Variants in MYH8 observed in about 807,000 individuals in gnomAD.
MYH8 encodes the protein myosin heavy chain 8.
MYH8 carries 168 observed loss-of-function variants against 233.2 expected under a neutral mutation model. The observed-to-expected ratio is 0.72, with a 90% confidence interval of 0.64 to 0.82. MYH8 has a LOEUF of 0.82. Ranked by LOEUF, MYH8 falls within the 40% of genes least tolerant of loss-of-function variation. MYH8 has a pLI of 0.00. For synonymous variants in MYH8, 785 were observed against 850.6 expected, an observed-to-expected ratio of 0.92 and a Z score of 1.34; for missense variants, 1,995 against 2,327.8, an observed-to-expected ratio of 0.86 and a Z score of 2.94.
Position 10,414,026 on chromosome 17 carries a change from G to T in MYH8, c.1023C>A (p.Ile341=), listed in dbSNP as rs1223572561. ...ELMATDSAID[I]LGFTPEEKVS... ...CTTTCTCTTCAGGAGTGAAGCCCAG[G>T]ATGTCAATGGCACTCTACCAGGAAA... Residue 341 remains isoleucine, a synonymous_variant, in exon 12 of 40, where the codon ATC becomes ATA. Coordinates refer to ENST00000403437, the MANE Select transcript of MYH8 (RefSeq NM_002472.3). 6 of 1,614,096 alleles carry T rather than the reference G, an allele frequency of 3.7e-6. No individual in the cohort carries two copies. Among genetic ancestry groups the T allele is most frequent in the Non-Finnish European group, 5.1e-6 (6 of 1,180,008 alleles).
At chr17:10,407,532 T>A (rs1041915254) in intron 17 of MYH8, among the ~76,000 whole-genome samples, 7 of 152,082 alleles carry the variant, frequency 4.6e-5, no homozygotes, top group Admixed American at 2.0e-4. Context: ...TTCTTTTGAT[T>A]TTTGAAGAGT....
At position 10,392,622 on chromosome 17, in the gene MYH8, C is replaced by T; in HGVS notation, c.5488G>A (p.Glu1830Lys). Residue 1830 changes from glutamate (E) to lysine (K), a missense_variant, in exon 38 of 40, where the codon GAA (glutamate) becomes AAA (lysine). By Grantham distance (56) the Glu-to-Lys change is moderately conservative. Coordinates refer to ENST00000403437, the MANE Select transcript of MYH8 (RefSeq NM_002472.3). ...ARVRELEGEV[E>K]NEQKRNAEAV... ...TCTGCATTACGTTTCTGTTCATTTT[C>T]AACCTCTCCTTCAAGCTCACGTACC... 2 of 1,614,120 alleles carry T rather than the reference C, an allele frequency of 1.2e-6. No homozygotes were observed. Among genetic ancestry groups the T allele is most frequent in the Non-Finnish European group, 1.7e-6 (2 of 1,180,022 alleles).
At position 10,400,253 on chromosome 17, in the gene MYH8, A is replaced by T. The variant is rs2072123987; in HGVS notation, c.3735+137T>A. 3.3e-6 allele frequency: 4 copies of T among 1,217,534 alleles called. No homozygotes were observed. Among genetic ancestry groups the T allele is most frequent in the Non-Finnish European group, 4.8e-6 (4 of 838,898 alleles). 75.4% of individuals were successfully genotyped at this position (1,217,534 alleles called of 1,614,324 possible). On this transcript the variant is annotated intron_variant, in intron 27 of 39. Transcript: ENST00000403437. This position sits in a 1 kb window ranked among gnomAD's most constrained non-coding sequence, Gnocchi z 4.0. Reference sequence around the variant, plus strand: ...ATCGATCATAACCAGCATTTTAAAAAATACCATAGAATGGGATATATTTGG... The same window carrying T: ...ATCGATCATAACCAGCATTTTAAAATATACCATAGAATGGGATATATTTGG...
rs1395407619 is a variant in MYH8 at position 10,399,675 on chromosome 17, G to A, written c.3736-6C>T. On this transcript the variant is annotated splice_region_variant and splice_polypyrimidine_tract_variant and intron_variant, in intron 27 of 39. Transcript: ENST00000403437. ...CACATCTTTTCAAGGTTTCCCTACA[G>A]GATATGTAGCAATGAAAGATGAGAC... 5 of 1,613,908 alleles carry A rather than the reference G, an allele frequency of 3.1e-6. No homozygotes were observed. The South Asian group carries it at 5.5e-5, about 18-fold the overall frequency.
chr17:10,405,455 C>G (rs2072184633), intron 21 of MYH8, among the ~76,000 whole-genome samples: 1 of 152,120 alleles, frequency 6.6e-6, no homozygotes, highest in South Asian at 2.1e-4. Flanking sequence ...TGACACAAAC[C>G]ATAACGTTCA....
At position 10,398,511 on chromosome 17, in the gene MYH8, C is replaced by T. The variant is rs1344529001; in HGVS notation, c.4111G>A (p.Val1371Ile). 2 of 1,614,146 alleles carry T rather than the reference C, an allele frequency of 1.2e-6. No homozygotes were observed. Among genetic ancestry groups the T allele is most frequent in the South Asian group, 1.1e-5 (1 of 91,080 alleles). Residue 1371 changes from valine to isoleucine, a missense_variant, in exon 30 of 40, where the codon GTT (valine) becomes ATT (isoleucine). Val to Ile is a conservative substitution (Grantham distance 29). Coordinates refer to ENST00000403437, the MANE Select transcript of MYH8 (RefSeq NM_002472.3). Reference sequence around the variant, plus strand: ...TCGTATTTGGTTCTCCACTGGGCAACCTCACTGTTGGCCTTGGACAGCGCC... The same window carrying T: ...TCGTATTTGGTTCTCCACTGGGCAATCTCACTGTTGGCCTTGGACAGCGCC... ...QRALSKANSE[V>I]AQWRTKYETD...
At chr17:10,418,603 T>G in intron 5 of MYH8, 42 bp downstream of exon 5, 3 of 1,612,886 alleles carry the variant, frequency 1.9e-6, no homozygotes, top group Non-Finnish European at 2.5e-6. Flanking sequence ...CTGCAAAGAT[T>G]CTATTTACAC....
intron 12 of MYH8, 73 bp downstream of exon 12, chr17:10,413,829 A>T: frequency 6.2e-7 from 1 of 1,608,154 alleles, no homozygotes; most frequent in Non-Finnish European, 8.5e-7. Context: ...CACAAAGGAG[A>T]TGTGAGTGTA....
chr17:10,404,350 G>C lies in MYH8; in HGVS notation c.2668C>G (p.Leu890Val). The C allele has an allele frequency of 1.2e-6, 2 of 1,613,770 alleles. No homozygotes were observed. Among genetic ancestry groups the C allele is most frequent in the Middle Eastern group, 1.7e-4 (1 of 6,058 alleles). ...CTCACAGATTGAACCTGGAGTTGCA[G>C]GTCATTTTTCTCTTTTAAGAGAGTG... Reference protein sequence around the residue: ...MVTLLKEKNDLQLQVQSEADS... With the variant: ...MVTLLKEKNDVQLQVQSEADS... Residue 890 changes from leucine (L) to valine (V), a missense_variant, in exon 22 of 40, where the codon CTG becomes GTG. Leu to Val is a conservative substitution (Grantham distance 32). Coordinates refer to ENST00000403437, the MANE Select transcript of MYH8 (RefSeq NM_002472.3).
At position 10,419,723 on chromosome 17, in the gene MYH8, T is replaced by C. The variant is rs373793827; in HGVS notation, c.210+295A>G. Among the ~76,000 whole-genome samples, 11 of 152,334 alleles carry C rather than the reference T, an allele frequency of 7.2e-5. No individual in the cohort carries two copies. Among genetic ancestry groups the C allele is most frequent in the African/African-American group, 2.6e-4 (11 of 41,580 alleles). ...TTTAACTAAGTAAATATTTAACTTC[T>C]GATAGGAGGAGCTTGTTTTCATTTC... On this transcript the variant is annotated intron_variant, in intron 3 of 39. Coordinates refer to ENST00000403437, the MANE Select transcript of MYH8 (RefSeq NM_002472.3). The surrounding 1 kb of genome is among the most constrained non-coding windows in gnomAD (Gnocchi z 4.0).
At chr17:10,406,603 C>T (rs2072196086) in intron 19 of MYH8, 87 bp downstream of exon 19, 4 of 1,371,584 alleles carry the variant, frequency 2.9e-6, no homozygotes, top group African/African-American at 1.4e-5. Flanking sequence ...TATTATCCTA[C>T]CACCACAAGA....
Position 10,410,829 on chromosome 17 carries a change from G to A in MYH8, c.1535C>T (p.Thr512Met), listed in dbSNP as rs759294305. 22 of 1,613,766 alleles carry A rather than the reference G, an allele frequency of 1.4e-5. No individual in the cohort carries two copies. Among genetic ancestry groups the A allele is most frequent in the East Asian group, 4.5e-5 (2 of 44,886 alleles). Residue 512 changes from threonine to methionine, a missense_variant, in exon 15 of 40, where the codon ACG becomes ATG. Physicochemically the swap from Thr to Met is moderately conservative, Grantham distance 81. Transcript: ENST00000403437. Reference sequence around the variant, plus strand: ...CAGGTCCATCCCAAAGTCAATGAACGTCCACTCGATGCCTTCCTTCTTGTA... The same window carrying A: ...CAGGTCCATCCCAAAGTCAATGAACATCCACTCGATGCCTTCCTTCTTGTA... ...EEYKKEGIEW[T>M]FIDFGMDLAA...
rs2072295510 is a variant in MYH8, at chr17:10,417,017, A to G, written c.512-1309T>C. On this transcript the variant is annotated intron_variant, in intron 5 of 39. Transcript: ENST00000403437. This position sits in a 1 kb window ranked among gnomAD's most constrained non-coding sequence, Gnocchi z 4.1. ...TAAGTACATAGCTAGTTAAGGTCAA[A>G]TATATCCTCCTGGCCTCTTCCCAGC... Among the ~76,000 whole-genome samples the G allele has an allele frequency of 6.6e-6, 1 of 152,212 alleles. No homozygotes were observed. The highest frequency in any genetic ancestry group is 2.4e-5 in the African/African-American group (1 of 41,456).
In MYH8 at chr17:10,396,410, G is replaced by A. The variant is rs775373801; in HGVS notation, c.4573C>T (p.Gln1525Ter). 6.2e-7 allele frequency: 1 copy of A among 1,613,956 alleles called. No individual in the cohort carries two copies. The highest frequency in any genetic ancestry group is 1.1e-5 in the South Asian group (1 of 91,058). ...TTTATTTTCTCCAATTCATGAATTTGCTTTCCTCCCTCTGCAATCTGCTCA... is the reference window on the plus strand; with the variant it reads ...TTTATTTTCTCCAATTCATGAATTTACTTTCCTCCCTCTGCAATCTGCTCA... ...LTEQIAEGGKQIHELEKIKKQ... is the reference protein window; with the variant it reads ...LTEQIAEGGK The change falls in exon 33 of 40, where the codon CAA (glutamine) becomes TAA (stop). Residue 1525 changes from glutamine to a stop codon, truncating the protein, a stop_gained. Transcript: ENST00000403437. LOFTEE classifies it high-confidence loss of function. This position sits in a 1 kb window ranked among gnomAD's most constrained non-coding sequence, Gnocchi z 4.2.
chr17:10,392,716 C>T, intron 37 of MYH8, 70 bp from the exon 38 acceptor site: 2 of 1,613,304 alleles, frequency 1.2e-6, no homozygotes, highest in Non-Finnish European at 1.7e-6. Context: ...CTACTGAAGG[C>T]ATGGGGTGGG....
rs1214736532 is a variant in MYH8, at chr17:10,406,085, C to G, written c.2388G>C (p.Arg796Ser). 2.5e-6 allele frequency: 4 copies of G among 1,613,908 alleles called. No individual in the cohort carries two copies. In the East Asian group the frequency reaches 6.7e-5, roughly 27 times the overall value. The change falls in exon 21 of 40, where the codon AGG becomes AGC. Residue 796 changes from arginine to serine, a missense_variant. Arg to Ser is a moderately radical substitution (Grantham distance 110). This residue lies in a region of MYH8 where 1,498 missense variants were observed against 1,680.9 expected (regional missense o/e 0.89). Coordinates refer to ENST00000403437, the MANE Select transcript of MYH8 (RefSeq NM_002472.3). The part of the protein sequence containing the change: ...QIITRTQAVC[R>S]GFLMRVEYQK... Reference sequence around the variant, plus strand: ...GATATTCTACCCTCATTAGGAATCCCCTACAGACAGCTTGTGTTCTTGTTA... The same window carrying G: ...GATATTCTACCCTCATTAGGAATCCGCTACAGACAGCTTGTGTTCTTGTTA...
At position 10,406,986 on chromosome 17, in the gene MYH8, A is replaced by C. The variant is rs747876364; in HGVS notation, c.1966-7T>G. 6.2e-7 allele frequency: 1 copy of C among 1,609,916 alleles called. No homozygotes were observed. Among genetic ancestry groups the C allele is most frequent in the Admixed American group, 1.7e-5 (1 of 60,012 alleles). On this transcript the variant is annotated splice_region_variant and splice_polypyrimidine_tract_variant and intron_variant, in intron 17 of 39. Transcript: ENST00000403437. ...TCAATTTATTTAAATTTTCCTAGAA[A>C]ACCAGACAGAAAGGACTTGATGAAA...
In MYH8 at chr17:10,412,672, G is replaced by A. The variant is rs1258642830; in HGVS notation, c.1204C>T (p.Leu402Phe). Residue 402 changes from leucine (L) to phenylalanine (F), a missense_variant, in exon 13 of 40, where the codon CTC becomes TTC. By Grantham distance (22) the Leu-to-Phe change is conservative. Coordinates refer to ENST00000403437, the MANE Select transcript of MYH8 (RefSeq NM_002472.3). ...CCAACCTTGACCCTAGGGTAGCAGA[G>A]GGCTTTGAGTAGGTCTGCAGAGTTC... ...SLNSADLLKA[L>F]CYPRVKVGNE... 3 of 1,614,092 alleles carry A rather than the reference G, an allele frequency of 1.9e-6. No individual in the cohort carries two copies. Among genetic ancestry groups the A allele is most frequent in the South Asian group, 1.1e-5 (1 of 91,088 alleles).
rs148091715 is a variant in MYH8, at chr17:10,415,727, T to C, written c.512-19A>G. The C allele has an allele frequency of 2.7e-4, 436 of 1,611,026 alleles. No homozygotes were observed. In the African/African-American group the frequency reaches 5.3e-3, roughly 20 times the overall value. ...TCTCGATCTGTGAAAGAATTCAAAATCATCCGTTAAAAAATGCATATTTAA... is the reference window on the plus strand; with the variant it reads ...TCTCGATCTGTGAAAGAATTCAAAACCATCCGTTAAAAAATGCATATTTAA... On this transcript the variant is annotated intron_variant, in intron 5 of 39. Transcript: ENST00000403437. This position sits in a 1 kb window ranked among gnomAD's most constrained non-coding sequence, Gnocchi z 4.1.
Sources: gnomAD v4.1 joint callset for allele counts (sites outside exome capture counted in the v4.1 genomes callset) on GRCh38, gnomAD v4.1.1 for gene constraint, gnomAD v4.1.1 regional missense constraint, Gnocchi (gnomAD v3.1) non-coding constraint, MANE v1.5 for transcripts, NCBI Gene and HGNC (gene_info 2026-07-23, HGNC 2026-07-21) for gene names.